The following SP3 variants were observed in gnomAD, a reference collection of about 807,000 sequenced individuals.
SP3 encodes Sp3 transcription factor.
A neutral mutation model predicts 70.3 loss-of-function variants in SP3; 10 were observed. The observed-to-expected ratio is 0.14, with a 90% CI of 0.09 to 0.24. The LOEUF (loss-of-function observed/expected upper bound fraction) is 0.24, where lower values mean the gene tolerates loss of function less well. Among genes scored for constraint, SP3 ranks in the 10% least tolerant of loss-of-function variants. The pLI is 1.00. For synonymous variants in SP3, 402 were observed against 333.5 expected (o/e 1.21, Z -2.24); for missense variants, 825 against 914.6 (o/e 0.90, Z 1.26).
intron 4 of SP3, among the ~76,000 whole-genome samples, chr2:173,943,760 T>C (rs1392005807): frequency 2.0e-5 from 3 of 152,262 alleles, no homozygotes; most frequent in East Asian, 1.9e-4. Context: ...GAACATTACC[T>C]AGAATAGTGT....
At position 173,955,753 on chromosome 2, in the gene SP3, A is replaced by C; in HGVS notation, c.759T>G (p.Val253=). The part of the protein sequence containing the change: ...GSSFPGQTQV[V]ANVPLGLPGN... ...CTGGCAGACCAAGAGGCACATTAGC[A>C]ACTACTTGGGTTTGACCAGGAAAAG... is the stretch of plus-strand genomic sequence containing the variant. Residue 253 remains valine (V), a synonymous_variant, in exon 4 of 7, where the codon GTT becomes GTG. Coordinates refer to ENST00000310015, the MANE Select transcript of SP3 (RefSeq NM_003111.5). 3.7e-6 allele frequency: 6 copies of C among 1,614,226 alleles called. No individual in the cohort carries two copies. The highest frequency in any genetic ancestry group is 5.1e-6 in the Non-Finnish European group (6 of 1,180,038).
rs200796577 is a variant in SP3, at chr2:173,947,237, C to T, written c.1639+7636G>A. Among the ~76,000 whole-genome samples the T allele has an allele frequency of 2.4e-4, 36 of 152,200 alleles. No individual in the cohort carries two copies. In the East Asian group the frequency reaches 6.0e-3, roughly 25 times the overall value. On this transcript the variant is annotated intron_variant, in intron 4 of 6. Coordinates refer to ENST00000310015, the MANE Select transcript of SP3 (RefSeq NM_003111.5). ...TTTCATCAAACATTGCTTCTCTTGC[C>T]ATTCACTTTATTCTTTTCTTCTGAA...
chr2:173,903,510 T>C lies in SP3; in HGVS notation c.*6431A>G, dbSNP rs1373578673. Among the ~76,000 whole-genome samples the C allele has an allele frequency of 2.0e-5, 3 of 152,082 alleles. No homozygotes were observed. The East Asian group carries it at 5.8e-4, about 29-fold the overall frequency. The stretch of plus-strand genomic sequence containing the variant: ...AAAAAACACACAGAGTTACTAGGAG[T>C]AGAATTGAGAAAAATGCAATTAACA... On this transcript the variant is annotated 3_prime_UTR_variant, in exon 7 of 7. Transcript: ENST00000310015.
At chr2:173,960,302 TTG>T in intron 3 of SP3, among the ~76,000 whole-genome samples, 1 of 152,224 alleles carries the variant, frequency 6.6e-6, no homozygotes, top group Non-Finnish European at 1.5e-5. Context: ...ACACCACCTA[TTG>T]CATAGCATTT....
intron 4 of SP3, among the ~76,000 whole-genome samples, chr2:173,931,949 T>C (rs1559097783): frequency 3.3e-5 from 5 of 152,148 alleles, no homozygotes. Flanking sequence ...AATGAGACTG[T>C]TTTGCTTTCT....
At chr2:173,957,932 T>G (rs60650547) in intron 3 of SP3, among the ~76,000 whole-genome samples, 11,998 of 152,190 alleles carry the variant, frequency 0.079, 597 homozygotes, top group African/African-American at 0.13. Flanking sequence ...GCAACTTCAA[T>G]CTGGTATAGA....
chr2:173,946,707 A>AT (rs1690549636), intron 4 of SP3, among the ~76,000 whole-genome samples: 1 of 151,376 alleles, frequency 6.6e-6, no homozygotes, highest in Non-Finnish European at 1.5e-5. Context: ...GTGTGGCTAA[A>AT]AAGAAAGATC....
At chr2:173,914,250 G>A (rs1362321057) in intron 5 of SP3, 1 of 151,992 alleles carries the variant, frequency 6.6e-6, no homozygotes, top group East Asian at 1.9e-4. Flanking sequence ...AAAACAATTT[G>A]TATAAACTTT....
chr2:173,904,386 T>C lies in SP3; in HGVS notation c.*5555A>G, dbSNP rs535326632. ...AGTTGTCTTAGTTGGCATTATTTGGTAGCAAGTAACAGCCTTCTGACTTAA... is the reference window on the plus strand; with the variant it reads ...AGTTGTCTTAGTTGGCATTATTTGGCAGCAAGTAACAGCCTTCTGACTTAA... On this transcript the variant is annotated 3_prime_UTR_variant, in exon 7 of 7. Transcript: ENST00000310015. 6.6e-5 allele frequency among the ~76,000 whole-genome samples: 10 copies of C among 152,288 alleles called. 1 individual carries two copies. The South Asian group carries it at 2.1e-3, about 32-fold the overall frequency.
At chr2:173,935,195 A>G (rs1462813833) in intron 4 of SP3, among the ~76,000 whole-genome samples, 2 of 152,170 alleles carry the variant, frequency 1.3e-5, no homozygotes, top group Non-Finnish European at 2.9e-5. Context: ...TGATTATGCC[A>G]CTGTACTCCA....
At chr2:173,937,927 T>G (rs2105479041) in intron 4 of SP3, among the ~76,000 whole-genome samples, 1 of 152,336 alleles carries the variant, frequency 6.6e-6, no homozygotes, top group East Asian at 1.9e-4. Flanking sequence ...CTCATCATGT[T>G]ATTCTTAGAA....
intron 4 of SP3, among the ~76,000 whole-genome samples, chr2:173,940,612 G>A (rs533885772): frequency 1.3e-5 from 2 of 152,298 alleles, no homozygotes; most frequent in East Asian, 1.9e-4. Flanking sequence ...TTTCCACCAG[G>A]AAACAGAAGA....
At chr2:173,956,902 A>G (rs897828333) in intron 3 of SP3, among the ~76,000 whole-genome samples, 16 of 152,192 alleles carry the variant, frequency 1.1e-4, no homozygotes, top group Non-Finnish European at 1.6e-4. Context: ...TTTACTTACT[A>G]GTCTAAGTTT....
chr2:173,929,024 A>G (rs1324320713), intron 4 of SP3, among the ~76,000 whole-genome samples: 79 of 152,224 alleles, frequency 5.2e-4, no homozygotes, highest in Non-Finnish European at 1.5e-5. Context: ...TCAAATGTCC[A>G]ATTCAGGTTG....
rs374953528 is a variant in SP3 at position 173,909,964 on chromosome 2, A to G, written c.2323T>C (p.Ser775Pro). The change falls in exon 7 of 7, where the codon TCT becomes CCT. Residue 775 changes from serine to proline, a missense_variant. Ser to Pro is a moderately conservative substitution (Grantham distance 74). This residue lies in a region of SP3 where 91 missense variants were observed against 97.4 expected (regional missense o/e 0.93). Coordinates refer to ENST00000310015, the MANE Select transcript of SP3 (RefSeq NM_003111.5). ...TEIPLQLVTV[S>P]GNETME Reference sequence around the variant, plus strand: ...ATTTACTCCATTGTCTCATTTCCAGAAACTGTGACAAGCTGTAAAGGTATT... The same window carrying G: ...ATTTACTCCATTGTCTCATTTCCAGGAACTGTGACAAGCTGTAAAGGTATT... The G allele has an allele frequency of 1.2e-6, 2 of 1,613,684 alleles. No homozygotes were observed. The highest frequency in any genetic ancestry group is 1.7e-6 in the Non-Finnish European group (2 of 1,179,716).
intron 3 of SP3, among the ~76,000 whole-genome samples, chr2:173,957,126 AACTC>A (rs1035259844): frequency 1.4e-4 from 22 of 152,242 alleles, no homozygotes; most frequent in South Asian, 2.1e-4. Context: ...TTCTTAAAGA[AACTC>A]ACTACCTAAT....
At chr2:173,919,996 A>G (rs555478684) in intron 4 of SP3, among the ~76,000 whole-genome samples, 2 of 152,328 alleles carry the variant, frequency 1.3e-5, no homozygotes, top group South Asian at 4.1e-4. Context: ...ATATTTGTTC[A>G]TACAATGGAA....
intron 3 of SP3, among the ~76,000 whole-genome samples, chr2:173,958,842 A>G (rs1263748908): frequency 2.0e-5 from 3 of 152,074 alleles, no homozygotes; most frequent in Non-Finnish European, 4.4e-5. Flanking sequence ...TGTGAGTTAC[A>G]GCAACTCAAT....
Position 173,904,186 on chromosome 2 carries a change from T to C in SP3, c.*5755A>G, listed in dbSNP as rs933223992. ...GCTCAGGCAGGAATGCTCGCTTACC[T>C]CCTGCTGTATGGCCTGGTTCCTCAC... On this transcript the variant is annotated 3_prime_UTR_variant, in exon 7 of 7. Transcript: ENST00000310015. 1.5e-4 allele frequency among the ~76,000 whole-genome samples: 23 copies of C among 152,082 alleles called. No homozygotes were observed. Among genetic ancestry groups the C allele is most frequent in the African/African-American group, 4.6e-4 (19 of 41,402 alleles).
Sources: allele counts gnomAD v4.1 joint callset (sites outside exome capture counted in the v4.1 genomes callset), GRCh38; gene constraint gnomAD v4.1.1; regional missense constraint gnomAD v4.1.1; transcripts MANE v1.5; gene names NCBI Gene and HGNC (gene_info 2026-07-23, HGNC 2026-07-21).